Variants in PDZRN3 observed in about 807,000 individuals in gnomAD.
The protein encoded by PDZRN3 is PDZ domain containing ring finger 3, also known as E3 ubiquitin-protein ligase PDZRN3.
PDZRN3 carries 38 observed loss-of-function variants against 85.7 expected under a neutral mutation model. The observed-to-expected ratio is 0.44, with a 90% CI of 0.34 to 0.58. PDZRN3 has a LOEUF of 0.58. Among genes scored for constraint, PDZRN3 ranks in the 20% least tolerant of loss-of-function variants. The probability of loss-of-function intolerance (pLI) is 0.01; values close to 1 mark genes in which losing one functional copy is unlikely to be tolerated. For synonymous variants in PDZRN3, 759 were observed against 638.0 expected, an observed-to-expected ratio of 1.19 and a Z score of -2.86; for missense variants, 1,629 against 1,506.4, an observed-to-expected ratio of 1.08 and a Z score of -1.35.
intron 3 of PDZRN3, among the ~76,000 whole-genome samples, chr3:73,475,748 T>C (rs1440524176): frequency 1.3e-5 from 2 of 152,200 alleles, no homozygotes; most frequent in African/African-American, 2.4e-5. Flanking sequence ...GACTGTAAGA[T>C]GAGCCATGCC....
chr3:73,551,509 C>T (rs964961124), intron 3 of PDZRN3, among the ~76,000 whole-genome samples: 4 of 151,924 alleles, frequency 2.6e-5, no homozygotes, highest in African/African-American at 9.7e-5. Flanking sequence ...ACAGTGAGAC[C>T]TCGTCTCTAC....
At position 73,609,407 on chromosome 3, in the gene PDZRN3, G is replaced by T. The variant is rs568251877; in HGVS notation, c.724-723C>A. Among the ~76,000 whole-genome samples the T allele has an allele frequency of 2.6e-5, 4 of 152,320 alleles. No homozygotes were observed. The South Asian group carries it at 8.3e-4, about 32-fold the overall frequency. Reference sequence around the variant, plus strand: ...GTGTTCGACAGTCAAAGGCAACAGAGATGCCAGGGAGAGTGTTCTCAACTA... The same window carrying T: ...GTGTTCGACAGTCAAAGGCAACAGATATGCCAGGGAGAGTGTTCTCAACTA... On this transcript the variant is annotated intron_variant, in intron 1 of 9. Coordinates refer to ENST00000263666, the MANE Select transcript of PDZRN3 (RefSeq NM_015009.3).
At chr3:73,556,898 C>G (rs1701710244) in intron 3 of PDZRN3, 1 of 152,592 alleles carries the variant, frequency 6.6e-6, no homozygotes, top group African/African-American at 2.4e-5. Flanking sequence ...GAGGAGCAGC[C>G]TTCCCTCCTG....
chr3:73,607,042 C>G (rs551656471), intron 2 of PDZRN3, among the ~76,000 whole-genome samples: 7 of 152,294 alleles, frequency 4.6e-5, no homozygotes, highest in African/African-American at 1.7e-4. Flanking sequence ...TTTCCACACT[C>G]TGCTTACTTG....
intron 3 of PDZRN3, among the ~76,000 whole-genome samples, chr3:73,535,730 G>A (rs1435559085): frequency 6.6e-6 from 1 of 152,168 alleles, no homozygotes; most frequent in Non-Finnish European, 1.5e-5. Context: ...TTCCTAAACT[G>A]TCATTCTCCA....
intron 3 of PDZRN3, among the ~76,000 whole-genome samples, chr3:73,420,410 A>C (rs985828049): frequency 6.6e-6 from 1 of 152,222 alleles, no homozygotes; most frequent in African/African-American, 2.4e-5. Flanking sequence ...GGATGCCCCT[A>C]CTTGGCACAC....
In PDZRN3 at chr3:73,383,264, C is replaced by G; in HGVS notation, c.*101G>C. On this transcript the variant is annotated 3_prime_UTR_variant, in exon 10 of 10. Coordinates refer to ENST00000263666, the MANE Select transcript of PDZRN3 (RefSeq NM_015009.3). Reference sequence around the variant, plus strand: ...AAATTTGGACTATAAACATGAAGACCGTACTTATCTTATATACAAAAACTT... The same window carrying G: ...AAATTTGGACTATAAACATGAAGACGGTACTTATCTTATATACAAAAACTT... 9.0e-7 allele frequency: 1 copy of G among 1,111,282 alleles called. No individual in the cohort carries two copies. Among genetic ancestry groups the G allele is most frequent in the Non-Finnish European group, 1.3e-6 (1 of 767,126 alleles). 68.8% of individuals were successfully genotyped at this position (1,111,282 alleles called of 1,614,324 possible). A position where few individuals can be genotyped will look rare whatever the true frequency, so the allele number is the denominator to read the frequency against.
chr3:73,579,797 T>C (rs1702172168), intron 3 of PDZRN3, among the ~76,000 whole-genome samples: 1 of 152,194 alleles, frequency 6.6e-6, no homozygotes, highest in Non-Finnish European at 1.5e-5. Context: ...GTTTGCTCCA[T>C]GGGATCTATC....
chr3:73,493,871 G>T (rs1703820376), intron 3 of PDZRN3, among the ~76,000 whole-genome samples: 1 of 152,192 alleles, frequency 6.6e-6, no homozygotes, highest in Non-Finnish European at 1.5e-5. Flanking sequence ...GGCTGTGACA[G>T]GATCAATCTT....
In PDZRN3 at chr3:73,388,074, TA is replaced by T. The variant is rs3830251; in HGVS notation, c.1417-6del. 6.9e-4 allele frequency: 524 copies of T among 755,540 alleles called. No homozygotes were observed. Among genetic ancestry groups the T allele is most frequent in the African/African-American group, 6.8e-3 (378 of 55,922 alleles). 46.8% of individuals were successfully genotyped at this position (755,540 alleles called of 1,614,324 possible). On this transcript the variant is annotated splice_region_variant and splice_polypyrimidine_tract_variant and intron_variant, in intron 7 of 9. Transcript: ENST00000263666. ...CTGCACCTCTATCCCATTAATCTTT[TA>T]AAAAAAAAGGGGGGGTGGGGAGAGT...
At chr3:73,483,086 C>T (rs752909157) in intron 3 of PDZRN3, among the ~76,000 whole-genome samples, 7 of 152,156 alleles carry the variant, frequency 4.6e-5, no homozygotes, top group South Asian at 4.1e-4. Flanking sequence ...TTTCTCCGTA[C>T]TTCAGAGGAG....
chr3:73,432,668 C>CT (rs201376780), intron 3 of PDZRN3, among the ~76,000 whole-genome samples: 4,050 of 152,228 alleles, frequency 0.027, 78 homozygotes, highest in Non-Finnish European at 0.043. Flanking sequence ...AAATCAAATT[C>CT]TTTTTTAAAA....
At chr3:73,569,417 C>T in intron 3 of PDZRN3, 3 of 1,152,756 alleles carry the variant, frequency 2.6e-6, no homozygotes, top group Non-Finnish European at 3.2e-6. Context: ...GTACATATTT[C>T]CTGTCTCTTC....
chr3:73,426,990 T>C lies in PDZRN3; in HGVS notation c.919-22595A>G, dbSNP rs75965964. 2.7e-3 allele frequency among the ~76,000 whole-genome samples: 409 copies of C among 152,268 alleles called. 1 individual carries two copies. The highest frequency in any genetic ancestry group is 9.1e-3 in the African/African-American group (380 of 41,538). ...GAACATTAGTGCCAATAATATTCTT[T>C]CACTTCCGCATAATTTTGGCATATT... On this transcript the variant is annotated intron_variant, in intron 3 of 9. Transcript: ENST00000263666.
chr3:73,589,592 C>A (rs1288024332), intron 3 of PDZRN3, among the ~76,000 whole-genome samples: 1 of 152,164 alleles, frequency 6.6e-6, no homozygotes, highest in Non-Finnish European at 1.5e-5. Flanking sequence ...GTCTATCAAG[C>A]AAATCAACCT....
At chr3:73,531,758 TA>T (rs1176851068) in intron 3 of PDZRN3, among the ~76,000 whole-genome samples, 2 of 152,216 alleles carry the variant, frequency 1.3e-5, no homozygotes, top group Non-Finnish European at 2.9e-5. Context: ...TCATCGAGTC[TA>T]ATCAGCCTAA....
chr3:73,515,095 C>G (rs1402137482), intron 3 of PDZRN3, among the ~76,000 whole-genome samples: 1 of 151,822 alleles, frequency 6.6e-6, no homozygotes, highest in Non-Finnish European at 1.5e-5. Context: ...ACAAAGGACT[C>G]CAAGGACACA....
chr3:73,462,986 T>C (rs1459509742), intron 3 of PDZRN3, among the ~76,000 whole-genome samples: 1 of 152,164 alleles, frequency 6.6e-6, no homozygotes, highest in Non-Finnish European at 1.5e-5. Context: ...TCACCTTCAG[T>C]CATTTTGTTT....
rs1701295929 is a variant in PDZRN3 at position 73,384,236 on chromosome 3, T to C, written c.2330A>G (p.Asn777Ser). 1.2e-6 allele frequency: 2 copies of C among 1,613,230 alleles called. No homozygotes were observed. The highest frequency in any genetic ancestry group is 1.7e-5 in the Admixed American group (1 of 59,980). ...GCCCTCCGCCGCTCTCCTCAAGGAG[T>C]TGTCGGGGGAGATCTCCAGGGTGAG... ...TPLTLEISPD[N>S]SLRRAAEGIS... Residue 777 changes from asparagine to serine, a missense_variant, in exon 10 of 10, where the codon AAC becomes AGC. Coordinates refer to ENST00000263666, the MANE Select transcript of PDZRN3 (RefSeq NM_015009.3).
Sources: gnomAD v4.1 joint callset for allele counts (sites outside exome capture counted in the v4.1 genomes callset) on GRCh38, gnomAD v4.1.1 for gene constraint, MANE v1.5 for transcripts, NCBI Gene and HGNC (gene_info 2026-07-23, HGNC 2026-07-21) for gene names.